Variants in FANCG observed in about 807,000 individuals in gnomAD.
FANCG encodes FA complementation group G, also known as Fanconi anemia group G protein.
In FANCG, 67 loss-of-function variants were observed where a neutral mutation model predicts 73.3. The observed-to-expected ratio is 0.91, with a 90% CI of 0.75 to 1.12. FANCG has a LOEUF of 1.12. FANCG is among the 50% of genes most tolerant of loss of function. The pLI is 0.00. For missense variants in FANCG, 643 were observed against 735.6 expected (o/e 0.87, Z 1.46); for synonymous variants, 297 against 311.6 (o/e 0.95, Z 0.49).
At chr9:35,078,071 A>T in intron 4 of FANCG, 70 bp downstream of exon 4, 1 of 1,390,302 alleles carries the variant, frequency 7.2e-7, no homozygotes, top group Non-Finnish European at 1.0e-6. Flanking sequence ...TGATGATGCT[A>T]CTGCAGCTGG....
chr9:35,076,603 A>T lies in FANCG; in HGVS notation c.925-20T>A. 2 of 1,614,116 alleles carry T rather than the reference A, an allele frequency of 1.2e-6. No homozygotes were observed. The highest frequency in any genetic ancestry group is 1.7e-6 in the Non-Finnish European group (2 of 1,180,002). ...CAAGGCCTAAAAGAGAAAGAAAAAA[A>T]TTGTATCTATAATCTTTGGGAGCCA... On this transcript the variant is annotated intron_variant, in intron 7 of 13. Coordinates refer to ENST00000378643, the MANE Select transcript of FANCG (RefSeq NM_004629.2).
Position 35,074,982 on chromosome 9 carries a change from G to A in FANCG, c.1581C>T (p.Ser527=), listed in dbSNP as rs768671803. ...CCTGTAAGGCTTTGGTATCCTGGCC[G>A]CTGGCTACCCATTCCAGTCCACGAC... ...LISRGLEWVA[S]GQDTKALQDF... The change falls in exon 12 of 14, where the codon AGC becomes AGT. Residue 527 remains serine, a synonymous_variant. Transcript: ENST00000378643. The A allele has an allele frequency of 2.1e-5, 34 of 1,614,184 alleles. No individual in the cohort carries two copies. The highest frequency in any genetic ancestry group is 3.3e-5 in the South Asian group (3 of 91,082).
chr9:35,076,774 G>A lies in FANCG; in HGVS notation c.874C>T (p.Gln292Ter). The A allele has an allele frequency of 6.2e-7, 1 of 1,614,178 alleles. No individual in the cohort carries two copies. Reference sequence around the variant, plus strand: ...AGCTCTGCTGTTGTGTCCCCCAGTTGCTGATAGAGCCTAGAGGCCTCCAGA... The same window carrying A: ...AGCTCTGCTGTTGTGTCCCCCAGTTACTGATAGAGCCTAGAGGCCTCCAGA... ...PLLEASRLYQ[Q>*]LGDTTAELES... Residue 292 changes from glutamine to a stop codon, truncating the protein, a stop_gained, in exon 7 of 14, where the codon CAA (glutamine) becomes TAA (stop). Transcript: ENST00000378643. LOFTEE classifies it high-confidence loss of function.
chr9:35,075,597 A>G lies in FANCG; in HGVS notation c.1301T>C (p.Leu434Pro), dbSNP rs994955867. Residue 434 changes from leucine to proline, a missense_variant, in exon 10 of 14, where the codon CTG becomes CCG. By Grantham distance (98) the Leu-to-Pro change is moderately conservative. Transcript: ENST00000378643. ...TSSLLPKMSR[L>P]WEDARKGTKE... ...GGTTCCTTTTCTGGCATCTTCCCAC[A>G]GCCGGGACATCTTGGGTAGCAGAGA... is the stretch of plus-strand genomic sequence containing the variant. 2 of 1,613,990 alleles carry G rather than the reference A, an allele frequency of 1.2e-6. No homozygotes were observed. Among genetic ancestry groups the G allele is most frequent in the Non-Finnish European group, 1.7e-6 (2 of 1,180,020 alleles).
chr9:35,075,386 A>AG, intron 10 of FANCG, 61 bp from the exon 11 acceptor site: 2 of 1,611,588 alleles, frequency 1.2e-6, no homozygotes. Context: ...TAGGGTAAGT[A>AG]GGTGAACATG....
Position 35,077,395 on chromosome 9 carries a change from C to T in FANCG, c.515G>A (p.Gly172Glu). 1 of 1,614,082 alleles carries T rather than the reference C, an allele frequency of 6.2e-7. No homozygotes were observed. Among genetic ancestry groups the T allele is most frequent in the Non-Finnish European group, 8.5e-7 (1 of 1,180,018 alleles). Reference sequence around the variant, plus strand: ...AAGTAACAGCAGATCCTTAGAGGCTCCACTCTGGGGAAAGAAGGACAACCA... The same window carrying T: ...AAGTAACAGCAGATCCTTAGAGGCTTCACTCTGGGGAAAGAAGGACAACCA... The part of the protein sequence containing the change: ...LLETLNGSQS[G>E]ASKDLLLLLK... Residue 172 changes from glycine to glutamate, a missense_variant, in exon 5 of 14, where the codon GGA becomes GAA. Physicochemically the swap from Gly to Glu is moderately conservative, Grantham distance 98. Coordinates refer to ENST00000378643, the MANE Select transcript of FANCG (RefSeq NM_004629.2).
intron 2 of FANCG, 105 bp from the exon 3 acceptor site, chr9:35,078,841 A>C: frequency 6.9e-7 from 1 of 1,443,682 alleles, no homozygotes; most frequent in Non-Finnish European, 9.7e-7. Context: ...AGCTACAATA[A>C]AGAACCCACC....
rs1220036482 is a variant in FANCG, at chr9:35,077,261, G to A, written c.646+3C>T. Reference sequence around the variant, plus strand: ...GAAGAGATGAGTCAGGTTGCTAGCTGACCTTGGCGGTAGGCAAATGCTGTC... The same window carrying A: ...GAAGAGATGAGTCAGGTTGCTAGCTAACCTTGGCGGTAGGCAAATGCTGTC... On this transcript the variant is annotated splice_donor_region_variant and intron_variant, in intron 5 of 13. Coordinates refer to ENST00000378643, the MANE Select transcript of FANCG (RefSeq NM_004629.2). 1 of 1,614,216 alleles carries A rather than the reference G, an allele frequency of 6.2e-7. No homozygotes were observed. Among genetic ancestry groups the A allele is most frequent in the South Asian group, 1.1e-5 (1 of 91,090 alleles).
At position 35,075,953 on chromosome 9, in the gene FANCG, C is replaced by T; in HGVS notation, c.1143+9G>A. On this transcript the variant is annotated intron_variant, in intron 9 of 13. Transcript: ENST00000378643. ...ACCCCATTGCAGAGAAGCTTGAAGA[C>T]ACACCCACCCTTGGCTCCGAGCTAT... is the stretch of plus-strand genomic sequence containing the variant. 1 of 1,614,072 alleles carries T rather than the reference C, an allele frequency of 6.2e-7. No individual in the cohort carries two copies. Among genetic ancestry groups the T allele is most frequent in the Non-Finnish European group, 8.5e-7 (1 of 1,179,934 alleles).
In FANCG at chr9:35,073,853, TACTCGACA is replaced by T. The variant is rs1829024656; in HGVS notation, c.*247_*254del. 1.8e-6 allele frequency: 1 copy of T among 561,628 alleles called. No individual in the cohort carries two copies. The highest frequency in any genetic ancestry group is 2.0e-5 in the South Asian group (1 of 49,776). The allele number at this position is 561,628 out of a possible 1,614,324, so 34.8% of individuals were successfully genotyped here. ...GGCAGACGAGATAAATATGAAATTTTACTCGACAACAGAAAAGGAGAAACAGGAAAAAA... is the reference window on the plus strand; with the variant it reads ...GGCAGACGAGATAAATATGAAATTTTACAGAAAAGGAGAAACAGGAAAAAA... On this transcript the variant is annotated 3_prime_UTR_variant, in exon 14 of 14. Transcript: ENST00000378643.
chr9:35,075,989 G>A lies in FANCG; in HGVS notation c.1116C>T (p.Ala372=). Residue 372 remains alanine, a synonymous_variant, in exon 9 of 14, where the codon GCC becomes GCT. Transcript: ENST00000378643. ...DAAEHYLDLL[A]LLLDSSEPRF... ...TTGGCTCCGAGCTATCCAGCAACAG[G>A]GCCAGCAGGTCCAAGTAATGCTCTG... 1 of 1,614,098 alleles carries A rather than the reference G, an allele frequency of 6.2e-7. No individual in the cohort carries two copies. The highest frequency in any genetic ancestry group is 8.5e-7 in the Non-Finnish European group (1 of 1,180,026).
Position 35,078,697 on chromosome 9 carries a change from G to A in FANCG, c.215C>T (p.Thr72Ile), listed in dbSNP as rs2131059119. 1 of 1,614,156 alleles carries A rather than the reference G, an allele frequency of 6.2e-7. No homozygotes were observed. The highest frequency in any genetic ancestry group is 8.5e-7 in the Non-Finnish European group (1 of 1,180,018). Residue 72 changes from threonine (T) to isoleucine (I), a missense_variant, in exon 3 of 14, where the codon ACT becomes ATT. Transcript: ENST00000378643. ...CAGGATAATGAAGTTGCAGGTGACA[G>A]TCAGCTCCAAGGGAAGAACAGGAAC... ...AAVPVLPLEL[T>I]VTCNFIILRA...
intron 12 of FANCG, 46 bp downstream of exon 12, chr9:35,074,881 G>A (rs760766384): frequency 2.0e-5 from 33 of 1,610,648 alleles, no homozygotes; most frequent in Non-Finnish European, 2.7e-5. Flanking sequence ...GGGCCTCTCT[G>A]TCCTTGCACA....
At position 35,075,955 on chromosome 9, in the gene FANCG, C is replaced by T. The variant is rs756519272; in HGVS notation, c.1143+7G>A. On this transcript the variant is annotated splice_region_variant and intron_variant, in intron 9 of 13. Coordinates refer to ENST00000378643, the MANE Select transcript of FANCG (RefSeq NM_004629.2). ...CCCATTGCAGAGAAGCTTGAAGACA[C>T]ACCCACCCTTGGCTCCGAGCTATCC... is the stretch of plus-strand genomic sequence containing the variant. 1 of 1,614,002 alleles carries T rather than the reference C, an allele frequency of 6.2e-7. No homozygotes were observed. The highest frequency in any genetic ancestry group is 8.5e-7 in the Non-Finnish European group (1 of 1,179,876).
Position 35,076,433 on chromosome 9 carries a change from T to C in FANCG, c.1075A>G (p.Arg359Gly), listed in dbSNP as rs777452126. Reference protein sequence around the residue: ...ILASRCLQTGRAGDAAEHYLD... With the variant: ...ILASRCLQTGGAGDAAEHYLD... ...TCAGGTGAGCAAGGGGAACCTCACC[T>C]CCCCGTCTGTAGGCACCTGCTTGCT... is the stretch of plus-strand genomic sequence containing the variant. The change falls in exon 8 of 14, where the codon AGG becomes GGG. Residue 359 changes from arginine (R) to glycine (G), a missense_variant and splice_region_variant. By Grantham distance (125) the Arg-to-Gly change is moderately radical. Coordinates refer to ENST00000378643, the MANE Select transcript of FANCG (RefSeq NM_004629.2). 11 of 1,613,666 alleles carry C rather than the reference T, an allele frequency of 6.8e-6. No homozygotes were observed. Among genetic ancestry groups the C allele is most frequent in the Non-Finnish European group, 9.3e-6 (11 of 1,179,988 alleles).
At chr9:35,078,368 G>GAC (rs769184389) in intron 3 of FANCG, 25 bp from the exon 4 acceptor site, 7 of 1,604,362 alleles carry the variant, frequency 4.4e-6, no homozygotes, top group Middle Eastern at 2.0e-4. Context: ...CACACACATA[G>GAC]ACACACACAC....
intron 9 of FANCG, 47 bp from the exon 10 acceptor site, chr9:35,075,801 TC>T: frequency 1.3e-6 from 2 of 1,560,332 alleles, no homozygotes; most frequent in Non-Finnish European, 1.8e-6. Flanking sequence ...TGAGCCACCA[TC>T]CCCAACCTCT....
At position 35,074,136 on chromosome 9, in the gene FANCG, G is replaced by A. The variant is rs150203467; in HGVS notation, c.1841C>T (p.Thr614Ile). The A allele has an allele frequency of 2.5e-6, 4 of 1,614,076 alleles. No individual in the cohort carries two copies. The highest frequency in any genetic ancestry group is 3.4e-6 in the Non-Finnish European group (4 of 1,180,026). ...DRDAFLEEFR[T>I]SLPKSCDL Reference sequence around the variant, plus strand: ...CAGGTCACAAGACTTTGGCAGAGATGTCCGAAATTCTTCAAGGAAGGCGTC... The same window carrying A: ...CAGGTCACAAGACTTTGGCAGAGATATCCGAAATTCTTCAAGGAAGGCGTC... Residue 614 changes from threonine to isoleucine, a missense_variant, in exon 14 of 14, where the codon ACA becomes ATA. Coordinates refer to ENST00000378643, the MANE Select transcript of FANCG (RefSeq NM_004629.2).
chr9:35,078,478 A>G (rs1829126816), intron 3 of FANCG, 127 bp downstream of exon 3: 2 of 1,534,974 alleles, frequency 1.3e-6, no homozygotes, highest in Non-Finnish European at 1.8e-6. Context: ...ACCTGGTCTG[A>G]AGAGCACAGA....
Sources: allele counts gnomAD v4.1 joint callset, GRCh38; gene constraint gnomAD v4.1.1; transcripts MANE v1.5; gene names NCBI Gene and HGNC (gene_info 2026-07-23, HGNC 2026-07-21).